Variants in TMEM117 observed in about 807,000 individuals in gnomAD.
TMEM117 encodes transmembrane protein 117.
A neutral mutation model predicts 52.4 loss-of-function variants in TMEM117; 27 were observed. The ratio of observed to expected loss-of-function variants is 0.51; its 90% confidence interval spans 0.38 to 0.71. The LOEUF (loss-of-function observed/expected upper bound fraction) is 0.71. Ranked by LOEUF, TMEM117 falls within the 30% of genes least tolerant of loss-of-function variation. The pLI is 0.00. For missense variants in TMEM117, 556 were observed against 630.5 expected (o/e 0.88, Z 1.26); for synonymous variants, 215 against 206.3 (o/e 1.04, Z -0.36).
chr12:44,078,091 G>A (rs1947411650), intron 3 of TMEM117, among the ~76,000 whole-genome samples: 1 of 152,112 alleles, frequency 6.6e-6, no homozygotes, highest in Non-Finnish European at 1.5e-5. Flanking sequence ...CATAACTTCT[G>A]TGTTGATAAA....
intron 4 of TMEM117, among the ~76,000 whole-genome samples, chr12:44,156,010 A>G (rs2138240335): frequency 6.6e-6 from 1 of 152,210 alleles, no homozygotes; most frequent in Non-Finnish European, 1.5e-5. Context: ...CAGGGGGGAC[A>G]AGGACTGTCT....
chr12:44,378,112 G>A (rs776436756), intron 7 of TMEM117, among the ~76,000 whole-genome samples: 6 of 152,064 alleles, frequency 3.9e-5, no homozygotes, highest in Admixed American at 6.6e-5. Flanking sequence ...CTTTGGGGGG[G>A]GCTTTTGCGT....
At chr12:44,229,556 A>AT (rs1389192781) in intron 5 of TMEM117, among the ~76,000 whole-genome samples, 1 of 152,080 alleles carries the variant, frequency 6.6e-6, no homozygotes, top group Non-Finnish European at 1.5e-5. Context: ...TTGCCCAGGG[A>AT]TTTTGGAACA....
intron 1 of TMEM117, among the ~76,000 whole-genome samples, chr12:43,840,431 A>G (rs1343223308): frequency 2.0e-5 from 3 of 152,200 alleles, no homozygotes; most frequent in African/African-American, 7.2e-5. Flanking sequence ...CTGAAATGAG[A>G]GGGAGTTGAG....
intron 3 of TMEM117, among the ~76,000 whole-genome samples, chr12:44,128,042 G>T (rs1948355369): frequency 1.3e-5 from 2 of 152,164 alleles, no homozygotes; most frequent in South Asian, 4.1e-4. Context: ...TAGATGTTGG[G>T]ATACAGGTTT....
intron 2 of TMEM117, among the ~76,000 whole-genome samples, chr12:43,871,046 T>C (rs1373649890): frequency 6.6e-6 from 1 of 151,608 alleles, no homozygotes; most frequent in Admixed American, 6.6e-5. Flanking sequence ...TGGCCTGTCA[T>C]AGTGCTGGGA....
chr12:43,842,758 A>G (rs1430363255), intron 1 of TMEM117, among the ~76,000 whole-genome samples: 1 of 151,662 alleles, frequency 6.6e-6, no homozygotes, highest in Non-Finnish European at 1.5e-5. Flanking sequence ...GCACACACAC[A>G]ATTTTTTTTT....
At chr12:43,909,313 C>G (rs1241518414) in intron 2 of TMEM117, among the ~76,000 whole-genome samples, 1 of 47,132 alleles carries the variant, frequency 2.1e-5, no homozygotes, top group Non-Finnish European at 7.0e-5. Context: ...AGCAAAGACA[C>G]AACATACCAG....
At chr12:44,067,832 T>C (rs1164513977) in intron 3 of TMEM117, among the ~76,000 whole-genome samples, 2 of 152,192 alleles carry the variant, frequency 1.3e-5, no homozygotes, top group Non-Finnish European at 2.9e-5. Context: ...ACCTGTCCTT[T>C]GAAGCCAGGC....
At chr12:43,902,580 T>C (rs1268480301) in intron 2 of TMEM117, among the ~76,000 whole-genome samples, 1 of 152,146 alleles carries the variant, frequency 6.6e-6, no homozygotes, top group Non-Finnish European at 1.5e-5. Flanking sequence ...TGGCTTCCAC[T>C]GTGGGGAGAC....
the TMEM117 span, among the ~76,000 whole-genome samples, chr12:43,810,759 C>T: frequency 2.0e-5 from 3 of 152,176 alleles, no homozygotes; most frequent in African/African-American, 7.2e-5. Flanking sequence ...AAATCATAGC[C>T]TCATGGTTGG....
intron 3 of TMEM117, among the ~76,000 whole-genome samples, chr12:44,092,744 G>C (rs552244210): frequency 6.6e-6 from 1 of 152,254 alleles, no homozygotes; most frequent in Non-Finnish European, 1.5e-5. Flanking sequence ...ATCCTAAGAG[G>C]CTAAGAACTA....
At chr12:43,864,180 C>T (rs933387601) in intron 2 of TMEM117, among the ~76,000 whole-genome samples, 1 of 152,150 alleles carries the variant, frequency 6.6e-6, no homozygotes, top group African/African-American at 2.4e-5. Flanking sequence ...CTCCCTCACT[C>T]CCCCCGCAGT....
intron 2 of TMEM117, among the ~76,000 whole-genome samples, chr12:43,862,399 C>T (rs765313590): frequency 1.3e-5 from 2 of 152,146 alleles, no homozygotes; most frequent in Non-Finnish European, 2.9e-5. Flanking sequence ...CCTCATGATC[C>T]ACCTGCCTTG....
intron 3 of TMEM117, among the ~76,000 whole-genome samples, chr12:44,141,654 G>T (rs1948573423): frequency 6.6e-6 from 1 of 152,040 alleles, no homozygotes; most frequent in Non-Finnish European, 1.5e-5. Flanking sequence ...TTCAAATTAG[G>T]TATCATTGAA....
At chr12:44,292,448 G>C (rs1021134513) in intron 5 of TMEM117, among the ~76,000 whole-genome samples, 1 of 151,648 alleles carries the variant, frequency 6.6e-6, no homozygotes, top group Non-Finnish European at 1.5e-5. Flanking sequence ...GTCTCTATTT[G>C]ATTTATTTTT....
intron 6 of TMEM117, among the ~76,000 whole-genome samples, chr12:44,351,584 A>G (rs912720152): frequency 2.6e-5 from 4 of 152,008 alleles, no homozygotes; most frequent in Non-Finnish European, 4.4e-5. Context: ...ATGGACATCC[A>G]GTTGTCCCAG....
At chr12:43,878,092 G>A (rs566688307) in intron 2 of TMEM117, among the ~76,000 whole-genome samples, 79 of 152,038 alleles carry the variant, frequency 5.2e-4, no homozygotes, top group African/African-American at 1.9e-3. Context: ...GTAAGAAAAA[G>A]TAAATAAGGA....
At chr12:44,320,911 G>C (rs1951121314) in intron 6 of TMEM117, among the ~76,000 whole-genome samples, 1 of 152,140 alleles carries the variant, frequency 6.6e-6, no homozygotes, top group South Asian at 2.1e-4. Context: ...ACAGATGTTG[G>C]CTGAATTTAG....
Sources: gnomAD v4.1 joint callset for allele counts (sites outside exome capture counted in the v4.1 genomes callset) on GRCh38, gnomAD v4.1.1 for gene constraint, MANE v1.5 for transcripts, NCBI Gene and HGNC (gene_info 2026-07-23, HGNC 2026-07-21) for gene names.